ERI3: variants seen among roughly 807,000 people sequenced by gnomAD.
ERI3 encodes the protein ERI1 exoribonuclease 3.
In ERI3, 18 loss-of-function variants were observed where a neutral mutation model predicts 44.4. The ratio of observed to expected loss-of-function variants is 0.41; its 90% CI spans 0.28 to 0.60. The LOEUF (loss-of-function observed/expected upper bound fraction) is 0.60, where lower values mean the gene tolerates loss of function less well. ERI3 is among the 20% of genes least tolerant of loss of function. ERI3 has a pLI of 0.36. For synonymous variants in ERI3, 183 were observed against 164.8 expected, an observed-to-expected ratio of 1.11 and a Z score of -0.84; for missense variants, 294 against 435.5, an observed-to-expected ratio of 0.68 and a Z score of 2.89.
chr1:44,275,009 A>ATCTCGGTCTCGGATG (rs1645154431), intron 7 of ERI3, among the ~76,000 whole-genome samples: 1 of 152,110 alleles, frequency 6.6e-6, no homozygotes, highest in African/African-American at 2.4e-5. Flanking sequence ...GATGATGCCA[A>ATCTCGGTCTCGGATG]AGACCGAGAC....
chr1:44,265,850 G>A (rs182592930), intron 7 of ERI3, among the ~76,000 whole-genome samples: 1 of 152,302 alleles, frequency 6.6e-6, no homozygotes, highest in Non-Finnish European at 1.5e-5. Context: ...GAAAGTAGAT[G>A]AGTAGTTGCT....
intron 8 of ERI3, among the ~76,000 whole-genome samples, chr1:44,237,715 C>A (rs1175221177): frequency 6.6e-6 from 1 of 152,222 alleles, no homozygotes; most frequent in Non-Finnish European, 1.5e-5. Context: ...AGAGGCCTCA[C>A]TGTGCACATG....
At chr1:44,250,037 T>C (rs1224566569) in intron 7 of ERI3, among the ~76,000 whole-genome samples, 1 of 151,852 alleles carries the variant, frequency 6.6e-6, no homozygotes, top group Non-Finnish European at 1.5e-5. Context: ...AAGAAAAAAA[T>C]ATTTAAGTGA....
chr1:44,335,793 A>G (rs1471905690), intron 3 of ERI3, among the ~76,000 whole-genome samples: 4 of 151,956 alleles, frequency 2.6e-5, no homozygotes, highest in African/African-American at 7.2e-5. Flanking sequence ...AAAAAAAAAA[A>G]AGAATCAAAG....
At chr1:44,268,823 T>C (rs1410672692) in intron 7 of ERI3, among the ~76,000 whole-genome samples, 2 of 152,218 alleles carry the variant, frequency 1.3e-5, no homozygotes, top group African/African-American at 4.8e-5. Flanking sequence ...GTTAGGGTAC[T>C]CAGAGGCCCC....
At chr1:44,259,085 A>G (rs1302785353) in intron 7 of ERI3, among the ~76,000 whole-genome samples, 1 of 152,246 alleles carries the variant, frequency 6.6e-6, no homozygotes, top group African/African-American at 2.4e-5. Flanking sequence ...CTATATGCAC[A>G]TATATAGCAA....
At chr1:44,272,510 A>G (rs983154941) in intron 7 of ERI3, among the ~76,000 whole-genome samples, 12 of 152,208 alleles carry the variant, frequency 7.9e-5, no homozygotes, top group African/African-American at 2.9e-4. Flanking sequence ...ACATACAGCC[A>G]TACTATTTTT....
chr1:44,303,550 T>G (rs576603206), intron 6 of ERI3, among the ~76,000 whole-genome samples: 54 of 152,272 alleles, frequency 3.5e-4, no homozygotes, highest in African/African-American at 1.3e-3. Flanking sequence ...GTAGAGGCAG[T>G]CACAGCACCA....
chr1:44,252,767 A>G lies in ERI3; in HGVS notation c.832-4729T>C, dbSNP rs1486420446. Among the ~76,000 whole-genome samples, 2 of 152,182 alleles carry G rather than the reference A, an allele frequency of 1.3e-5. No individual in the cohort carries two copies. Among genetic ancestry groups the G allele is most frequent in the Non-Finnish European group, 2.9e-5 (2 of 68,020 alleles). ...CTATGGTATCTCTGCCCACCCATAT[A>G]CTACCTACCAGGACCCTCAGAGTGG... On this transcript the variant is annotated intron_variant, in intron 7 of 8. Coordinates refer to ENST00000372257, the MANE Select transcript of ERI3 (RefSeq NM_024066.3). The surrounding 1 kb of genome is among the most constrained non-coding windows in gnomAD (Gnocchi z 4.7).
chr1:44,254,752 A>T (rs936809056), intron 7 of ERI3, among the ~76,000 whole-genome samples: 3 of 151,852 alleles, frequency 2.0e-5, no homozygotes, highest in Non-Finnish European at 4.4e-5. Context: ...CTTATCTACA[A>T]ATGCATCTGC....
rs1172162845 is a variant in ERI3, at chr1:44,235,481, A to G, written c.931+12458T>C. On this transcript the variant is annotated intron_variant, in intron 8 of 8. Coordinates refer to ENST00000372257, the MANE Select transcript of ERI3 (RefSeq NM_024066.3). This position sits in a 1 kb window ranked among gnomAD's most constrained non-coding sequence, Gnocchi z 4.6. ...CCTCTCCTTCACCTCCTGCTAGACC[A>G]TGAACTCTTTGAGGGCACAGGTGTT... Among the ~76,000 whole-genome samples, 1 of 152,148 alleles carries G rather than the reference A, an allele frequency of 6.6e-6. No individual in the cohort carries two copies. The highest frequency in any genetic ancestry group is 1.5e-5 in the Non-Finnish European group (1 of 68,032).
intron 7 of ERI3, 73 bp from the exon 8 acceptor site, chr1:44,248,111 C>G (rs968718397): frequency 5.0e-5 from 49 of 980,170 alleles, no homozygotes; most frequent in Non-Finnish European, 6.9e-5. Context: ...AGGTCTTCCC[C>G]CCACCCCCCA....
chr1:44,247,155 G>A (rs1360455451), intron 8 of ERI3, among the ~76,000 whole-genome samples: 1 of 151,948 alleles, frequency 6.6e-6, no homozygotes, highest in Admixed American at 6.5e-5. Flanking sequence ...CAGATATACT[G>A]TTACACGCTC....
intron 8 of ERI3, among the ~76,000 whole-genome samples, chr1:44,226,089 G>C (rs966664301): frequency 6.6e-6 from 1 of 152,238 alleles, no homozygotes; most frequent in African/African-American, 2.4e-5. Flanking sequence ...TTAGGGGATG[G>C]GGGAGGGAGC....
intron 7 of ERI3, among the ~76,000 whole-genome samples, chr1:44,253,329 G>A (rs994816329): frequency 1.3e-5 from 2 of 152,152 alleles, no homozygotes; most frequent in South Asian, 2.1e-4. Flanking sequence ...CTTGTACTGC[G>A]AGATGGGATG....
chr1:44,221,579 C>T lies in ERI3; in HGVS notation c.993G>A (p.Lys331=), dbSNP rs1053974995. The change falls in exon 9 of 9, where the codon AAG becomes AAA. Residue 331 remains lysine, a synonymous_variant. Transcript: ENST00000372257. This position sits in a 1 kb window ranked among gnomAD's most constrained non-coding sequence, Gnocchi z 5.9. Reference sequence around the variant, plus strand: ...CCAATCAGAACGGCTTCGATGTCTGCTTGAAGATGAAGCCTCGATAGGCGA... The same window carrying T: ...CCAATCAGAACGGCTTCGATGTCTGTTTGAAGATGAAGCCTCGATAGGCGA... ...KTLAYRGFIF[K]QTSKPF is the part of the protein sequence containing the mutation. 67 of 1,614,048 alleles carry T rather than the reference C, an allele frequency of 4.2e-5. No individual in the cohort carries two copies. The Admixed American group carries it at 1.1e-3, about 27-fold the overall frequency.
chr1:44,277,476 A>G (rs1212386692), intron 7 of ERI3, among the ~76,000 whole-genome samples: 1 of 152,154 alleles, frequency 6.6e-6, no homozygotes, highest in Non-Finnish European at 1.5e-5. Flanking sequence ...ATTTCTGAAA[A>G]AGTTGAAGTT....
intron 7 of ERI3, among the ~76,000 whole-genome samples, chr1:44,276,155 G>A (rs1645177238): frequency 6.6e-6 from 1 of 152,200 alleles, no homozygotes; most frequent in African/African-American, 2.4e-5. Flanking sequence ...TCCTGCCCCA[G>A]GGAGGACATT....
intron 3 of ERI3, among the ~76,000 whole-genome samples, chr1:44,336,905 T>C (rs550251936): frequency 6.6e-6 from 1 of 152,216 alleles, no homozygotes; most frequent in Non-Finnish European, 1.5e-5. Flanking sequence ...GTAAACAATG[T>C]GAAGCCCTAA....
Sources: allele counts gnomAD v4.1 joint callset (sites outside exome capture counted in the v4.1 genomes callset), GRCh38; gene constraint gnomAD v4.1.1; non-coding constraint Gnocchi (gnomAD v3.1); transcripts MANE v1.5; gene names NCBI Gene and HGNC (gene_info 2026-07-23, HGNC 2026-07-21).